CNOT6: variants seen among roughly 807,000 people sequenced by gnomAD.
CNOT6 encodes carbon catabolite repression 4 protein.
In CNOT6, 12 loss-of-function variants were observed where a neutral mutation model predicts 61.2. The observed-to-expected ratio is 0.20, with a 90% confidence interval of 0.13 to 0.32. CNOT6 has a LOEUF of 0.32. Ranked by LOEUF, CNOT6 falls within the 10% of genes least tolerant of loss-of-function variation. The probability of loss-of-function intolerance (pLI) is 1.00; values close to 1 mark genes in which losing one functional copy is unlikely to be tolerated. For missense variants in CNOT6, 405 were observed against 663.9 expected (o/e 0.61, Z 4.28); for synonymous variants, 225 against 240.6 (o/e 0.94, Z 0.60).
chr5:180,504,637 T>G (rs1757039021), intron 1 of CNOT6, among the ~76,000 whole-genome samples: 1 of 152,168 alleles, frequency 6.6e-6, no homozygotes, highest in East Asian at 1.9e-4. Context: ...AGAACAGATT[T>G]AGGATTGATG....
chr5:180,501,102 A>C (rs1210983381), intron 1 of CNOT6, among the ~76,000 whole-genome samples: 1 of 152,144 alleles, frequency 6.6e-6, no homozygotes, highest in Non-Finnish European at 1.5e-5. Context: ...CCTGTATATG[A>C]TAGAAATCCA....
chr5:180,522,283 G>A (rs1757913181), intron 1 of CNOT6, among the ~76,000 whole-genome samples: 1 of 151,792 alleles, frequency 6.6e-6, no homozygotes, highest in African/African-American at 2.4e-5. Context: ...GCTAATTTTT[G>A]TATTTTTTTT....
rs201709148 is a variant in CNOT6, at chr5:180,547,203, A to AT, written c.113-2718dup. Reference sequence around the variant, plus strand: ...TTTGGTAATTTGCTAGGTTGACAGGATTTTTTTTTTCCTTACAGTAAAGTT... The same window carrying AT: ...TTTGGTAATTTGCTAGGTTGACAGGATTTTTTTTTTTCCTTACAGTAAAGTT... On this transcript the variant is annotated intron_variant, in intron 2 of 11. Transcript: ENST00000261951. Among the ~76,000 whole-genome samples the AT allele has an allele frequency of 4.4e-3, 561 of 127,832 alleles. 3 individuals are homozygous for AT. The highest frequency in any genetic ancestry group is 0.013 in the African/African-American group (502 of 37,972). The allele number at this position is 127,832 out of a possible 152,430, so 83.9% of individuals were successfully genotyped here.
At chr5:180,563,053 C>T (rs549902059) in intron 4 of CNOT6, among the ~76,000 whole-genome samples, 1 of 152,296 alleles carries the variant, frequency 6.6e-6, no homozygotes, top group East Asian at 1.9e-4. Context: ...ATCCTAGAAT[C>T]TTAAAACCGA....
intron 4 of CNOT6, among the ~76,000 whole-genome samples, chr5:180,555,117 C>T (rs1460583616): frequency 6.6e-6 from 1 of 151,654 alleles, no homozygotes; most frequent in African/African-American, 2.4e-5. Flanking sequence ...AGCAATTCTT[C>T]TGCTTCAGCC....
Position 180,564,040 on chromosome 5 carries a change from T to A in CNOT6, c.386-449T>A, listed in dbSNP as rs557705594. Among the ~76,000 whole-genome samples the A allele has an allele frequency of 3.3e-4, 50 of 152,298 alleles. 1 individual carries two copies. The highest frequency in any genetic ancestry group is 1.2e-3 in the African/African-American group (49 of 41,558). ...TCTAAGTGCAAGTGTATATTTGTCATTAGGGTGTTTTGTTGTTAGCTTTGT... is the reference window on the plus strand; with the variant it reads ...TCTAAGTGCAAGTGTATATTTGTCAATAGGGTGTTTTGTTGTTAGCTTTGT... On this transcript the variant is annotated intron_variant, in intron 4 of 11. Coordinates refer to ENST00000261951, the MANE Select transcript of CNOT6 (RefSeq NM_001370472.1).
intron 8 of CNOT6, 71 bp downstream of exon 8, chr5:180,567,313 C>CT: frequency 3.0e-6 from 4 of 1,344,164 alleles, no homozygotes; most frequent in South Asian, 2.9e-5. Flanking sequence ...GGTGTGGAAA[C>CT]TAATTGGCAA....
Position 180,578,194 on chromosome 5 carries a change from C to CCA in CNOT6, c.*3995_*3996dup, listed in dbSNP as rs1398086478. 3 of 152,526 alleles carry CCA rather than the reference C, an allele frequency of 2.0e-5. No individual in the cohort carries two copies. The highest frequency in any genetic ancestry group is 7.2e-5 in the African/African-American group (3 of 41,406). The allele number at this position is 152,526 out of a possible 1,614,324, so 9.4% of individuals were successfully genotyped here. On this transcript the variant is annotated 3_prime_UTR_variant, in exon 12 of 12. Coordinates refer to ENST00000261951, the MANE Select transcript of CNOT6 (RefSeq NM_001370472.1). ...ATTCTGTATAACACTCATATCTTTGCCAAAGTTCAATTTTATATTTAGGCA... is the reference window on the plus strand; with the variant it reads ...ATTCTGTATAACACTCATATCTTTGCCACAAAGTTCAATTTTATATTTAGGCA...
At chr5:180,544,014 T>C (rs574460882) in intron 2 of CNOT6, among the ~76,000 whole-genome samples, 1 of 152,264 alleles carries the variant, frequency 6.6e-6, no homozygotes, top group Non-Finnish European at 1.5e-5. Flanking sequence ...GGTTTCACTG[T>C]GTTAGCCAGG....
intron 1 of CNOT6, among the ~76,000 whole-genome samples, chr5:180,501,235 C>T (rs749614025): frequency 6.6e-6 from 1 of 152,062 alleles, no homozygotes; most frequent in East Asian, 1.9e-4. Context: ...CCTGTGAGAG[C>T]TCAAGTACAT....
intron 2 of CNOT6, among the ~76,000 whole-genome samples, chr5:180,535,559 A>G (rs551086072): frequency 1.3e-5 from 2 of 152,310 alleles, no homozygotes; most frequent in South Asian, 2.1e-4. Context: ...CCAGTCATCC[A>G]TTGTTGGACA....
At chr5:180,526,841 A>G (rs72812943) in intron 1 of CNOT6, among the ~76,000 whole-genome samples, 1 of 152,150 alleles carries the variant, frequency 6.6e-6, no homozygotes, top group Non-Finnish European at 1.5e-5. Flanking sequence ...GAATGTATCT[A>G]TAATGGACAA....
At chr5:180,518,316 C>T (rs1463554477) in intron 1 of CNOT6, among the ~76,000 whole-genome samples, 2 of 152,168 alleles carry the variant, frequency 1.3e-5, no homozygotes, top group South Asian at 2.1e-4. Context: ...TATACATTTC[C>T]TGCCCATCTT....
At chr5:180,518,932 C>T (rs1757767188) in intron 1 of CNOT6, among the ~76,000 whole-genome samples, 1 of 152,194 alleles carries the variant, frequency 6.6e-6, no homozygotes, top group Non-Finnish European at 1.5e-5. Flanking sequence ...AGGCTGGTTT[C>T]GAACTCCTGG....
chr5:180,534,400 A>C (rs1758565693), intron 2 of CNOT6: 1 of 171,464 alleles, frequency 5.8e-6, no homozygotes, highest in Admixed American at 5.8e-5. Flanking sequence ...GTTTGGAAGA[A>C]ATGACTCCAG....
At chr5:180,529,020 C>A (rs957442443) in intron 1 of CNOT6, among the ~76,000 whole-genome samples, 5 of 151,920 alleles carry the variant, frequency 3.3e-5, no homozygotes, top group Non-Finnish European at 7.4e-5. Context: ...ACCAGCCTGG[C>A]CAATATGGTG....
intron 7 of CNOT6, 69 bp downstream of exon 7, chr5:180,566,046 G>A: frequency 1.4e-6 from 2 of 1,400,114 alleles, no homozygotes; most frequent in Non-Finnish European, 1.9e-6. Flanking sequence ...ACATTACGCT[G>A]ACACATTTGA....
At chr5:180,525,953 G>A (rs1431263898) in intron 1 of CNOT6, among the ~76,000 whole-genome samples, 5 of 152,108 alleles carry the variant, frequency 3.3e-5, no homozygotes, top group Non-Finnish European at 7.4e-5. Context: ...TATTTTTAGA[G>A]ACAGGGTTGT....
At chr5:180,563,484 C>T (rs1760295257) in intron 4 of CNOT6, among the ~76,000 whole-genome samples, 1 of 152,006 alleles carries the variant, frequency 6.6e-6, no homozygotes, top group Admixed American at 6.6e-5. Context: ...CCTCGTGATC[C>T]GCCCGCCTCG....
Sources: gnomAD v4.1 joint callset for allele counts (sites outside exome capture counted in the v4.1 genomes callset) on GRCh38, gnomAD v4.1.1 for gene constraint, MANE v1.5 for transcripts, NCBI Gene and HGNC (gene_info 2026-07-23, HGNC 2026-07-21) for gene names.